The following CPA6 variants were observed in gnomAD, a reference collection of about 807,000 sequenced individuals.
CPA6 encodes carboxypeptidase A6.
A neutral mutation model predicts 63.3 loss-of-function variants in CPA6; 58 were observed. The ratio of observed to expected loss-of-function variants is 0.92; its 90% CI spans 0.74 to 1.14. The LOEUF is 1.14. CPA6 is among the 50% of genes most tolerant of loss of function. The pLI, the probability that CPA6 is intolerant of heterozygous loss-of-function variation, is 0.00. For missense variants in CPA6, 565 were observed against 526.6 expected (o/e 1.07, Z -0.71); for synonymous variants, 185 against 179.0 (o/e 1.03, Z -0.27).
intron 10 of CPA6, 125 bp from the exon 11 acceptor site, chr8:67,422,816 T>A: frequency 1.5e-6 from 1 of 681,324 alleles, no homozygotes; most frequent in Non-Finnish European, 2.3e-6. Context: ...AAATGCTGTT[T>A]CAATAAGAAT....
chr8:67,474,672 ATAAT>A (rs1811135016), intron 8 of CPA6, among the ~76,000 whole-genome samples: 1 of 152,140 alleles, frequency 6.6e-6, no homozygotes, highest in African/African-American at 2.4e-5. Context: ...AATCAGAAAC[ATAAT>A]TAAGAACCAG....
At chr8:67,443,450 C>A (rs1284005173) in intron 8 of CPA6, among the ~76,000 whole-genome samples, 1 of 152,162 alleles carries the variant, frequency 6.6e-6, no homozygotes, top group Admixed American at 6.5e-5. Flanking sequence ...AAGTTGATGC[C>A]TGCTTCCTGG....
At chr8:67,582,238 C>T (rs1813794047) in intron 2 of CPA6, among the ~76,000 whole-genome samples, 1 of 152,116 alleles carries the variant, frequency 6.6e-6, no homozygotes, top group African/African-American at 2.4e-5. Context: ...ATTCATCGCA[C>T]AAGGTCAGTT....
At chr8:67,498,300 C>T (rs780642382) in intron 6 of CPA6, among the ~76,000 whole-genome samples, 6 of 152,010 alleles carry the variant, frequency 3.9e-5, no homozygotes, top group Non-Finnish European at 7.4e-5. Context: ...CTTTGAGAGG[C>T]TGAGGCGGGT....
intron 1 of CPA6, among the ~76,000 whole-genome samples, chr8:67,720,853 G>A (rs568725129): frequency 6.6e-6 from 1 of 152,150 alleles, no homozygotes; most frequent in Non-Finnish European, 1.5e-5. Flanking sequence ...CTCCACTAGA[G>A]ATGCAGTCAA....
chr8:67,711,690 C>CGT (rs1817264411), intron 1 of CPA6, among the ~76,000 whole-genome samples: 2 of 139,860 alleles, frequency 1.4e-5, no homozygotes, highest in South Asian at 4.5e-4. Flanking sequence ...CCTGTGTACA[C>CGT]ACACACACAC....
chr8:67,692,937 A>G (rs1816841838), intron 1 of CPA6, among the ~76,000 whole-genome samples: 9 of 152,356 alleles, frequency 5.9e-5, no homozygotes, highest in Admixed American at 3.3e-4. Context: ...GCATAGACCC[A>G]TAGACCTAAG....
chr8:67,433,436 T>C lies in CPA6; in HGVS notation c.1041+602A>G, dbSNP rs147670435. ...ATAAGGAGAGAAAGAAACTCTGCTTTTTCATTTTTAAGTAATCTTATGCCT... is the reference window on the plus strand; with the variant it reads ...ATAAGGAGAGAAAGAAACTCTGCTTCTTCATTTTTAAGTAATCTTATGCCT... On this transcript the variant is annotated intron_variant, in intron 9 of 10. Transcript: ENST00000297770. 8.1e-4 allele frequency among the ~76,000 whole-genome samples: 123 copies of C among 152,346 alleles called. 1 individual carries two copies. The highest frequency in any genetic ancestry group is 2.3e-3 in the African/African-American group (96 of 41,580).
chr8:67,629,776 A>G (rs1815279858), intron 1 of CPA6, among the ~76,000 whole-genome samples: 1 of 152,106 alleles, frequency 6.6e-6, no homozygotes, highest in African/African-American at 2.4e-5. Flanking sequence ...ATGGCTTTGT[A>G]TGATTTTGCC....
At chr8:67,482,094 G>A (rs777635390) in intron 8 of CPA6, among the ~76,000 whole-genome samples, 17 of 152,238 alleles carry the variant, frequency 1.1e-4, no homozygotes, top group Non-Finnish European at 2.1e-4. Context: ...AAGAAGGCAT[G>A]TGTATGAAGG....
At chr8:67,604,490 G>A (rs1331330388) in intron 2 of CPA6, among the ~76,000 whole-genome samples, 1 of 151,922 alleles carries the variant, frequency 6.6e-6, no homozygotes. Flanking sequence ...CTTTTTCCCT[G>A]CTTTACGTTT....
At chr8:67,528,692 G>C (rs1812415753) in intron 2 of CPA6, among the ~76,000 whole-genome samples, 1 of 151,888 alleles carries the variant, frequency 6.6e-6, no homozygotes, top group South Asian at 2.1e-4. Context: ...GTCTGAGCTG[G>C]CATTTCAGCC....
chr8:67,711,720 C>CACACACACACACACACACACACAT (rs764510531), intron 1 of CPA6, among the ~76,000 whole-genome samples: 4 of 151,034 alleles, frequency 2.6e-5, no homozygotes, highest in African/African-American at 9.8e-5. Flanking sequence ...CACACACACA[C>CACACACACACACACACACACACAT]ACATCTGAAA....
chr8:67,669,956 T>G (rs1018891026), intron 1 of CPA6, among the ~76,000 whole-genome samples: 2 of 152,206 alleles, frequency 1.3e-5, no homozygotes, highest in African/African-American at 2.4e-5. Flanking sequence ...TCAGTTAGAA[T>G]GTAATTACAT....
At chr8:67,698,514 G>C (rs528434770) in intron 1 of CPA6, among the ~76,000 whole-genome samples, 67 of 152,298 alleles carry the variant, frequency 4.4e-4, no homozygotes, top group African/African-American at 1.6e-3. Flanking sequence ...TTGTGACCAA[G>C]AAAGTTTGGG....
At chr8:67,425,529 C>A (rs1809863612) in intron 10 of CPA6, among the ~76,000 whole-genome samples, 1 of 152,122 alleles carries the variant, frequency 6.6e-6, no homozygotes, top group Non-Finnish European at 1.5e-5. Flanking sequence ...CGCACACCGC[C>A]ATGCCCAGCT....
At chr8:67,669,462 C>T (rs1018099888) in intron 1 of CPA6, among the ~76,000 whole-genome samples, 1 of 152,190 alleles carries the variant, frequency 6.6e-6, no homozygotes, top group African/African-American at 2.4e-5. Flanking sequence ...TATAACCCAT[C>T]CCACCAGCAA....
Position 67,431,323 on chromosome 8 carries a change from C to G in CPA6, c.1041+2715G>C, listed in dbSNP as rs944964575. Among the ~76,000 whole-genome samples the G allele has an allele frequency of 6.0e-4, 91 of 152,064 alleles. 5 individuals carry two copies. The highest frequency in any genetic ancestry group is 7.4e-5 in the Non-Finnish European group (5 of 67,996). ...GATGCCATCTTGGCTCACTGCAAAC[C>G]TCCACCTCCCAGGTTCAAGTGATTC... is the stretch of plus-strand genomic sequence containing the variant. On this transcript the variant is annotated intron_variant, in intron 9 of 10. Transcript: ENST00000297770.
At chr8:67,613,804 C>A (rs1049387945) in intron 2 of CPA6, among the ~76,000 whole-genome samples, 3 of 152,124 alleles carry the variant, frequency 2.0e-5, no homozygotes, top group Non-Finnish European at 4.4e-5. Flanking sequence ...CCTGCTATGC[C>A]CCCTATCCTG....
Sources: gnomAD v4.1 joint callset for allele counts (sites outside exome capture counted in the v4.1 genomes callset) on GRCh38, gnomAD v4.1.1 for gene constraint, MANE v1.5 for transcripts, NCBI Gene and HGNC (gene_info 2026-07-23, HGNC 2026-07-21) for gene names.